PSMB7: variants seen among roughly 807,000 people sequenced by gnomAD.
PSMB7 encodes proteasome subunit beta type-7.
In PSMB7, 5 loss-of-function variants were observed where a neutral mutation model predicts 28.1. That is an observed-to-expected ratio of 0.18 (90% confidence interval 0.09 to 0.37). The LOEUF (loss-of-function observed/expected upper bound fraction) is 0.37, where lower values mean the gene tolerates loss of function less well. PSMB7 is among the 10% of genes least tolerant of loss of function. PSMB7 has a pLI of 1.00. For missense variants in PSMB7, 275 were observed against 346.2 expected (o/e 0.79, Z 1.63); for synonymous variants, 122 against 123.7 (o/e 0.99, Z 0.09).
At chr9:124,403,160 C>G (rs1830929366) in intron 5 of PSMB7, among the ~76,000 whole-genome samples, 2 of 151,948 alleles carry the variant, frequency 1.3e-5, no homozygotes, top group Admixed American at 1.3e-4. Flanking sequence ...CAATTTGACC[C>G]AGAAGCAATA....
chr9:124,366,521 C>T (rs909499612), intron 6 of PSMB7, among the ~76,000 whole-genome samples: 1 of 152,194 alleles, frequency 6.6e-6, no homozygotes, highest in South Asian at 2.1e-4. Flanking sequence ...TTAAAATTTA[C>T]AAACAAGTAA....
At chr9:124,388,914 A>G (rs1397279839) in intron 5 of PSMB7, among the ~76,000 whole-genome samples, 2 of 152,130 alleles carry the variant, frequency 1.3e-5, no homozygotes, top group East Asian at 3.9e-4. Context: ...CAACTTGTCC[A>G]TCCTTTCATA....
intron 6 of PSMB7, among the ~76,000 whole-genome samples, chr9:124,364,660 G>A (rs746406006): frequency 2.6e-5 from 4 of 151,956 alleles, no homozygotes; most frequent in African/African-American, 4.8e-5. Flanking sequence ...CAAAAACAAC[G>A]CGGCCCGTGA....
chr9:124,414,673 TAAG>T (rs1194321761), intron 2 of PSMB7, among the ~76,000 whole-genome samples, 166 bp downstream of exon 2: 3 of 151,514 alleles, frequency 2.0e-5, no homozygotes, highest in African/African-American at 4.8e-5. Context: ...CATAAACTGT[TAAG>T]AAGCACACAA....
chr9:124,411,161 G>T (rs1019971556), intron 4 of PSMB7, among the ~76,000 whole-genome samples: 1 of 151,962 alleles, frequency 6.6e-6, no homozygotes, highest in African/African-American at 2.4e-5. Context: ...TTTTAGTAGA[G>T]ATGTTTCACC....
intron 6 of PSMB7, among the ~76,000 whole-genome samples, chr9:124,359,146 GTTAT>G (rs1187387940): frequency 1.3e-5 from 2 of 152,186 alleles, no homozygotes; most frequent in Admixed American, 1.3e-4. Context: ...CATGTATGCT[GTTAT>G]TTAAGTATGA....
At chr9:124,382,200 C>CTTTTTTTT (rs1164339420) in intron 6 of PSMB7, among the ~76,000 whole-genome samples, 12 of 55,954 alleles carry the variant, frequency 2.1e-4, no homozygotes, top group Non-Finnish European at 2.8e-4. Context: ...TCTCTTTTCT[C>CTTTTTTTT]TTTTTTTTTT....
rs117918323 is a variant in PSMB7 at position 124,408,260 on chromosome 9, G to A, written c.396-2828C>T. 3.0e-4 allele frequency among the ~76,000 whole-genome samples: 45 copies of A among 152,252 alleles called. No homozygotes were observed. In the East Asian group the frequency reaches 8.7e-3, roughly 29 times the overall value. On this transcript the variant is annotated intron_variant, in intron 4 of 7. Transcript: ENST00000259457. ...TGACGGTAGTACAACGTTTGTCAAGGGAGAGCTTTGACAACATCTTTCAAA... is the reference window on the plus strand; with the variant it reads ...TGACGGTAGTACAACGTTTGTCAAGAGAGAGCTTTGACAACATCTTTCAAA...
intron 5 of PSMB7, among the ~76,000 whole-genome samples, chr9:124,397,504 T>G (rs1830854699): frequency 6.6e-6 from 1 of 152,198 alleles, no homozygotes; most frequent in African/African-American, 2.4e-5. Flanking sequence ...TCAATGTAAA[T>G]TAAGAGCAGC....
At chr9:124,402,154 C>T (rs1286115807) in intron 5 of PSMB7, among the ~76,000 whole-genome samples, 1 of 152,196 alleles carries the variant, frequency 6.6e-6, no homozygotes, top group East Asian at 1.9e-4. Context: ...CAAAACCAGT[C>T]TGTGTGGAGT....
At chr9:124,379,938 C>A (rs73666876) in intron 6 of PSMB7, among the ~76,000 whole-genome samples, 3 of 152,214 alleles carry the variant, frequency 2.0e-5, no homozygotes, top group Admixed American at 1.3e-4. Flanking sequence ...ACATACTGAA[C>A]CTCAGGAGCT....
intron 6 of PSMB7, among the ~76,000 whole-genome samples, chr9:124,364,928 C>T (rs1007231947): frequency 1.3e-5 from 2 of 152,176 alleles, no homozygotes; most frequent in Non-Finnish European, 2.9e-5. Context: ...ATGCTGGGCA[C>T]ATGTGGGAAG....
At chr9:124,354,910 C>T (rs1830384199) in intron 7 of PSMB7, among the ~76,000 whole-genome samples, 2 of 152,206 alleles carry the variant, frequency 1.3e-5, no homozygotes, top group East Asian at 1.9e-4. Flanking sequence ...CCGATTTTTG[C>T]GGCATGCATT....
chr9:124,407,493 ACCC>A (rs1176254455), intron 4 of PSMB7, among the ~76,000 whole-genome samples: 1 of 151,938 alleles, frequency 6.6e-6, no homozygotes, highest in Non-Finnish European at 1.5e-5. Context: ...CAGTCCCACC[ACCC>A]CCAACTAGTC....
chr9:124,382,931 C>A (rs898710949), intron 6 of PSMB7, among the ~76,000 whole-genome samples: 2 of 152,176 alleles, frequency 1.3e-5, no homozygotes, highest in South Asian at 4.1e-4. Context: ...AAGTCCCAAT[C>A]AACTGGAGAT....
At chr9:124,358,692 A>G (rs953825425) in intron 6 of PSMB7, among the ~76,000 whole-genome samples, 2 of 152,230 alleles carry the variant, frequency 1.3e-5, no homozygotes, top group Non-Finnish European at 2.9e-5. Context: ...GTGTGTGCGC[A>G]CATGGGCACG....
In PSMB7 at chr9:124,405,426, T is replaced by C. The variant is rs1258750132; in HGVS notation, c.402A>G (p.Gln134=). The stretch of plus-strand genomic sequence containing the variant: ...AAACTAGGGCTGCACCAATGTAACC[T>C]TGATACCTGGTGATCAGAGTATGCA... ...RMLKQMLFRY[Q]GYIGAALVLG... Residue 134 remains glutamine, a synonymous_variant, in exon 5 of 8, where the codon CAA becomes CAG. Coordinates refer to ENST00000259457, the MANE Select transcript of PSMB7 (RefSeq NM_002799.4). The C allele has an allele frequency of 6.2e-7, 1 of 1,601,932 alleles. No homozygotes were observed.
intron 6 of PSMB7, among the ~76,000 whole-genome samples, chr9:124,358,714 C>T (rs1318480520): frequency 6.6e-6 from 1 of 152,234 alleles, no homozygotes; most frequent in African/African-American, 2.4e-5. Context: ...GCGGGGAGAA[C>T]CATACTTATT....
intron 5 of PSMB7, among the ~76,000 whole-genome samples, chr9:124,400,203 T>C (rs917148058): frequency 6.6e-6 from 1 of 152,148 alleles, no homozygotes; most frequent in Non-Finnish European, 1.5e-5. Flanking sequence ...CTGAGGTCTA[T>C]CCCTCGGGGG....
Sources: allele counts gnomAD v4.1 joint callset (sites outside exome capture counted in the v4.1 genomes callset), GRCh38; gene constraint gnomAD v4.1.1; transcripts MANE v1.5; gene names NCBI Gene and HGNC (gene_info 2026-07-23, HGNC 2026-07-21).